BICD1: variants seen among roughly 807,000 people sequenced by gnomAD.
BICD1 encodes the protein protein bicaudal D homolog 1.
Under a neutral mutation model 92.5 loss-of-function variants are expected in BICD1, and 35 were observed. The observed-to-expected ratio is 0.38, with a 90% CI of 0.29 to 0.50. The LOEUF (loss-of-function observed/expected upper bound fraction) is 0.50. BICD1 is among the 20% of genes least tolerant of loss of function. The pLI, the probability that BICD1 is intolerant of heterozygous loss-of-function variation, is 0.93. For missense variants in BICD1, 950 were observed against 1,189.8 expected, an observed-to-expected ratio of 0.80 and a Z score of 2.97; for synonymous variants, 429 against 465.1, an observed-to-expected ratio of 0.92 and a Z score of 1.00.
chr12:32,267,433 A>C (rs1429193983), intron 2 of BICD1, among the ~76,000 whole-genome samples: 2 of 152,226 alleles, frequency 1.3e-5, no homozygotes, highest in East Asian at 3.8e-4. Flanking sequence ...GGCAGAGAAC[A>C]AGTACTCAGT....
At chr12:32,116,358 C>G (rs1448128532) in intron 1 of BICD1, among the ~76,000 whole-genome samples, 2 of 151,892 alleles carry the variant, frequency 1.3e-5, no homozygotes, top group Non-Finnish European at 2.9e-5. Context: ...TGTATTTTTT[C>G]TCCTTTGTTT....
chr12:32,367,542 A>T, intron 8 of BICD1, 128 bp from the exon 9 acceptor site: 1 of 768,786 alleles, frequency 1.3e-6, no homozygotes, highest in Non-Finnish European at 2.0e-6. Flanking sequence ...AAAAAAGCTG[A>T]ATCAGGATAT....
intron 1 of BICD1, among the ~76,000 whole-genome samples, chr12:32,178,616 T>C (rs1025733153): frequency 6.6e-6 from 1 of 151,962 alleles, no homozygotes; most frequent in East Asian, 1.9e-4. Flanking sequence ...GGATTTGACT[T>C]GATTAGAATT....
intron 1 of BICD1, among the ~76,000 whole-genome samples, chr12:32,141,192 ATT>A (rs759131809): frequency 2.0e-5 from 3 of 152,192 alleles, no homozygotes; most frequent in Non-Finnish European, 4.4e-5. Flanking sequence ...TAAAGTGAAG[ATT>A]TATAATTCAA....
intron 1 of BICD1, among the ~76,000 whole-genome samples, chr12:32,191,083 A>G (rs1944550177): frequency 6.6e-6 from 1 of 152,226 alleles, no homozygotes. Context: ...GGATGCAGCA[A>G]AAGCAATTCT....
At chr12:32,203,768 CTCGGTCTCTTCT>C (rs1232351147) in intron 1 of BICD1, among the ~76,000 whole-genome samples, 2 of 152,130 alleles carry the variant, frequency 1.3e-5, no homozygotes, top group Non-Finnish European at 2.9e-5. Context: ...TTTGCCAGCT[CTCGGTCTCTTCT>C]TTGGCCTCTC....
intron 8 of BICD1, among the ~76,000 whole-genome samples, chr12:32,358,305 T>C (rs1162388627): frequency 6.6e-6 from 1 of 151,958 alleles, no homozygotes; most frequent in Non-Finnish European, 1.5e-5. Flanking sequence ...TTCACCATGT[T>C]GGCCAGGCTG....
At chr12:32,130,488 G>A (rs755022055) in intron 1 of BICD1, among the ~76,000 whole-genome samples, 3 of 152,210 alleles carry the variant, frequency 2.0e-5, no homozygotes, top group Non-Finnish European at 2.9e-5. Flanking sequence ...ACCACGCCCG[G>A]CCCCAAAATT....
At chr12:32,258,893 A>C (rs1430873899) in intron 2 of BICD1, among the ~76,000 whole-genome samples, 6 of 152,172 alleles carry the variant, frequency 3.9e-5, no homozygotes, top group Non-Finnish European at 7.4e-5. Context: ...CACCACAGGG[A>C]GGGGTTTAAG....
chr12:32,132,114 A>G (rs1942565275), intron 1 of BICD1, among the ~76,000 whole-genome samples: 1 of 152,082 alleles, frequency 6.6e-6, no homozygotes, highest in African/African-American at 2.4e-5. Context: ...AGTAACAGTA[A>G]GTGTAAAGAT....
rs756726963 is a variant in BICD1 at position 32,337,577 on chromosome 12, C to T, written c.2331C>T (p.Asn777=). Residue 777 remains asparagine (N), a synonymous_variant, in exon 7 of 10, where the codon AAC becomes AAT. Transcript: ENST00000652176. The surrounding 1 kb of genome is among the most constrained non-coding windows in gnomAD (Gnocchi z 4.7). ...CAGAGGATGAGAAGAAGACTCTGAA[C>T]ACTTTGTTACGAATGGCTATCCAGC... ...AAAEDEKKTL[N]TLLRMAIQQK... 8.1e-6 allele frequency: 13 copies of T among 1,614,204 alleles called. No homozygotes were observed. The highest frequency in any genetic ancestry group is 1.1e-5 in the Non-Finnish European group (13 of 1,180,036).
intron 9 of BICD1, among the ~76,000 whole-genome samples, chr12:32,375,356 C>A (rs140665109): frequency 0.025 from 3,806 of 152,168 alleles, 178 homozygotes; most frequent in African/African-American, 0.087. Context: ...TGGTGAAAGT[C>A]CGTCTCTACT....
chr12:32,215,803 A>G (rs2121553267), intron 1 of BICD1, among the ~76,000 whole-genome samples: 1 of 151,850 alleles, frequency 6.6e-6, no homozygotes, highest in African/African-American at 2.4e-5. Flanking sequence ...CAAAAAAAAA[A>G]ATTAGCCGGG....
At chr12:32,238,944 CAAA>C (rs111403291) in intron 2 of BICD1, among the ~76,000 whole-genome samples, 1,445 of 70,518 alleles carry the variant, frequency 0.02, 18 homozygotes, top group Admixed American at 0.03. Flanking sequence ...AACTCTGTCT[CAAA>C]AAAAAAAAAA....
rs777649808 is a variant in BICD1, at chr12:32,328,089, G to T, written c.1634G>T (p.Arg545Leu). 2 of 1,614,118 alleles carry T rather than the reference G, an allele frequency of 1.2e-6. No homozygotes were observed. Among genetic ancestry groups the T allele is most frequent in the Admixed American group, 1.7e-5 (1 of 60,010 alleles). ...TACTATAGGCAGAGCAGAGTCACCC[G>T]CAGTGGCAGCCTGAAAGGGCCCGAT... ...LDYYRQSRVT[R>L]SGSLKGPDDP... The change falls in exon 5 of 10, where the codon CGC becomes CTC. Residue 545 changes from arginine (R) to leucine (L), a missense_variant. By Grantham distance (102) the Arg-to-Leu change is moderately radical. Around this residue, in one of 5 missense-constraint regions of BICD1, gnomAD observed 309 missense variants for 499.4 expected, o/e 0.62. Coordinates refer to ENST00000652176, the MANE Select transcript of BICD1 (RefSeq NM_001714.4). This position sits in a 1 kb window ranked among gnomAD's most constrained non-coding sequence, Gnocchi z 4.4.
intron 2 of BICD1, among the ~76,000 whole-genome samples, chr12:32,241,910 C>T (rs1249402320): frequency 1.3e-5 from 2 of 151,872 alleles, no homozygotes; most frequent in Middle Eastern, 3.4e-3. Flanking sequence ...AGAAGATGCA[C>T]AAGACGGGAC....
At chr12:32,237,143 G>T (rs1484752757) in intron 2 of BICD1, among the ~76,000 whole-genome samples, 3 of 152,136 alleles carry the variant, frequency 2.0e-5, no homozygotes, top group Non-Finnish European at 4.4e-5. Context: ...GCCTCCCAAA[G>T]TGCTGGGATT....
Position 32,282,945 on chromosome 12 carries a change from C to T in BICD1, c.427-11049C>T, listed in dbSNP as rs111989516. Reference sequence around the variant, plus strand: ...TGATTTAAGAATAGATGTTCATGACCGTAGAAGTGGAAATATGAATATAAA... The same window carrying T: ...TGATTTAAGAATAGATGTTCATGACTGTAGAAGTGGAAATATGAATATAAA... On this transcript the variant is annotated intron_variant, in intron 2 of 9. Transcript: ENST00000652176. Among the ~76,000 whole-genome samples, 721 of 152,182 alleles carry T rather than the reference C, an allele frequency of 4.7e-3. 5 individuals are homozygous for T. The highest frequency in any genetic ancestry group is 0.017 in the African/African-American group (690 of 41,514).
chr12:32,174,695 G>T (rs1047735986), intron 1 of BICD1, among the ~76,000 whole-genome samples: 7 of 152,112 alleles, frequency 4.6e-5, no homozygotes, highest in Non-Finnish European at 1.0e-4. Flanking sequence ...ATCACAACCT[G>T]TGAAAGCATT....
Sources: gnomAD v4.1 joint callset for allele counts (sites outside exome capture counted in the v4.1 genomes callset) on GRCh38, gnomAD v4.1.1 for gene constraint, gnomAD v4.1.1 regional missense constraint, Gnocchi (gnomAD v3.1) non-coding constraint, MANE v1.5 for transcripts, NCBI Gene and HGNC (gene_info 2026-07-23, HGNC 2026-07-21) for gene names.